ZNF248: variants seen among roughly 807,000 people sequenced by gnomAD.
The protein encoded by ZNF248 is KRAB protein domain.
Under a neutral mutation model 44.3 loss-of-function variants are expected in ZNF248, and 20 were observed. That is an observed-to-expected ratio of 0.45 (90% CI 0.32 to 0.66). The LOEUF (loss-of-function observed/expected upper bound fraction) is 0.66, where lower values mean the gene tolerates loss of function less well. Ranked by LOEUF, ZNF248 falls within the 30% of genes least tolerant of loss-of-function variation. The pLI is 0.04. For synonymous variants in ZNF248, 224 were observed against 229.0 expected (o/e 0.98, Z 0.20); for missense variants, 654 against 677.0 (o/e 0.97, Z 0.38).
chr10:37,843,024 T>C (rs763453931), intron 3 of ZNF248, among the ~76,000 whole-genome samples: 5 of 152,136 alleles, frequency 3.3e-5, no homozygotes, highest in Non-Finnish European at 7.4e-5. Context: ...GTGCAAAGAC[T>C]GAGAGAAATG....
chr10:37,776,399 T>C (rs2046589904), downstream of ZNF248: 1 of 386,710 alleles, frequency 2.6e-6, no homozygotes, highest in Non-Finnish European at 4.6e-6. Flanking sequence ...GAAGAATTAC[T>C]TCAGGCTGTG....
intron 6 of ZNF248, among the ~76,000 whole-genome samples, chr10:37,799,420 G>C (rs1000347883): frequency 6.6e-6 from 1 of 152,114 alleles, no homozygotes; most frequent in Non-Finnish European, 1.5e-5. Context: ...TTAGTTGAGC[G>C]TGATTGCGCA....
intron 6 of ZNF248, among the ~76,000 whole-genome samples, chr10:37,804,230 T>G (rs2050225515): frequency 6.7e-6 from 1 of 148,560 alleles, no homozygotes. Context: ...TGCAGTCTAC[T>G]ACATTAACTG....
chr10:37,852,749 T>C (rs960947360), intron 3 of ZNF248, among the ~76,000 whole-genome samples: 1 of 150,430 alleles, frequency 6.6e-6, no homozygotes, highest in Non-Finnish European at 1.5e-5. Flanking sequence ...ATATATTTCA[T>C]ATAGAAACAG....
At chr10:37,758,919 C>G in the ZNF248 span, among the ~76,000 whole-genome samples, 1 of 152,184 alleles carries the variant, frequency 6.6e-6, no homozygotes, top group South Asian at 2.1e-4. Context: ...AATGCAGAAA[C>G]ACATCTGACA....
chr10:37,845,040 G>C (rs2059083007), intron 3 of ZNF248, among the ~76,000 whole-genome samples: 1 of 49,558 alleles, frequency 2.0e-5, no homozygotes, highest in Non-Finnish European at 4.4e-5. Flanking sequence ...TTGGAGATGG[G>C]GGTCTCACTC....
Position 37,793,270 on chromosome 10 carries a change from G to A in ZNF248, c.331-16695C>T, listed in dbSNP as rs566587575. Among the ~76,000 whole-genome samples, 29 of 152,176 alleles carry A rather than the reference G, an allele frequency of 1.9e-4. 1 individual carries two copies. In the South Asian group the frequency reaches 5.4e-3, roughly 28 times the overall value. On this transcript the variant is annotated intron_variant, in intron 6 of 6. Coordinates refer to the ZNF248 transcript ENST00000615949. ...GAATTGCTTGAACCTGGGAAGCGGA[G>A]GTTGCAGTGAGCCGAGATCACGCCA... is the stretch of plus-strand genomic sequence containing the variant.
At chr10:37,766,030 C>G in the ZNF248 span, among the ~76,000 whole-genome samples, 1 of 152,392 alleles carries the variant, frequency 6.6e-6, no homozygotes, top group East Asian at 1.9e-4. Flanking sequence ...AGTCTGAGAT[C>G]AAACTGCAAG....
At chr10:37,850,694 T>G (rs1189898383) in intron 3 of ZNF248, among the ~76,000 whole-genome samples, 1 of 152,162 alleles carries the variant, frequency 6.6e-6, no homozygotes, top group Non-Finnish European at 1.5e-5. Flanking sequence ...TCAGTAAAAT[T>G]TTCACAAATT....
chr10:37,776,370 C>A (rs1418413577), downstream of ZNF248: 2 of 379,200 alleles, frequency 5.3e-6, no homozygotes, highest in African/African-American at 4.2e-5. Context: ...TACAGAGCAT[C>A]ACTCATTCTG....
intron 6 of ZNF248, chr10:37,819,143 A>G: frequency 1.3e-6 from 1 of 787,260 alleles, no homozygotes; most frequent in Non-Finnish European, 2.3e-6. Flanking sequence ...CCCTGGTTTG[A>G]GGTCATAGTG....
chr10:37,759,304 TACTG>T, the ZNF248 span, among the ~76,000 whole-genome samples: 1 of 152,222 alleles, frequency 6.6e-6, no homozygotes, highest in East Asian at 1.9e-4. Context: ...GTTCTTGGTT[TACTG>T]ACTCTTCTGA....
At chr10:37,836,436 G>A (rs868007772) in intron 5 of ZNF248, among the ~76,000 whole-genome samples, 3 of 151,930 alleles carry the variant, frequency 2.0e-5, no homozygotes, top group East Asian at 1.9e-4. Flanking sequence ...CACCATGCCC[G>A]CTAGCTTCCA....
chr10:37,855,864 A>T (rs2061197757), intron 3 of ZNF248, among the ~76,000 whole-genome samples: 1 of 152,238 alleles, frequency 6.6e-6, no homozygotes, highest in South Asian at 2.1e-4. Flanking sequence ...TGACACAAAC[A>T]GTTAGGGAAA....
intron 6 of ZNF248, among the ~76,000 whole-genome samples, chr10:37,800,951 G>A (rs1349364381): frequency 6.6e-6 from 1 of 151,626 alleles, no homozygotes; most frequent in African/African-American, 2.4e-5. Flanking sequence ...TAGTAGAGAT[G>A]GGGTTTCACC....
At chr10:37,788,718 A>G (rs1453190949) in intron 6 of ZNF248, among the ~76,000 whole-genome samples, 1 of 152,244 alleles carries the variant, frequency 6.6e-6, no homozygotes, top group African/African-American at 2.4e-5. Flanking sequence ...CTACATAATT[A>G]CTAGAATAGT....
intron 5 of ZNF248, among the ~76,000 whole-genome samples, chr10:37,836,174 A>C (rs376212391): frequency 6.6e-6 from 1 of 152,092 alleles, no homozygotes; most frequent in Non-Finnish European, 1.5e-5. Flanking sequence ...CACTTCCAAC[A>C]GTCTCAGCCA....
At chr10:37,819,934 GC>G in intron 6 of ZNF248, 1 of 770,342 alleles carries the variant, frequency 1.3e-6, no homozygotes, top group East Asian at 2.5e-5. Flanking sequence ...AGTAAACGAG[GC>G]CCCATGTCGG....
intron 6 of ZNF248, among the ~76,000 whole-genome samples, chr10:37,790,399 G>C (rs1589106458): frequency 6.6e-6 from 1 of 151,786 alleles, no homozygotes; most frequent in Non-Finnish European, 1.5e-5. Flanking sequence ...GTGCAACATA[G>C]GGAGACGCTG....
Sources: gnomAD v4.1 joint callset for allele counts (sites outside exome capture counted in the v4.1 genomes callset) on GRCh38, gnomAD v4.1.1 for gene constraint, MANE v1.5 for transcripts, NCBI Gene and HGNC (gene_info 2026-07-23, HGNC 2026-07-21) for gene names.